The following RBM4 variants were observed in gnomAD, a reference collection of about 807,000 sequenced individuals.
RBM4 encodes RNA-binding protein 4.
Under a neutral mutation model 29.5 loss-of-function variants are expected in RBM4, and 7 were observed. The observed-to-expected ratio is 0.24, with a 90% CI of 0.14 to 0.45. RBM4 has a LOEUF of 0.45. Ranked by LOEUF, RBM4 falls within the 20% of genes least tolerant of loss-of-function variation. The pLI, the probability that RBM4 is intolerant of heterozygous loss-of-function variation, is 1.00. For missense variants in RBM4, 387 were observed against 502.3 expected, an observed-to-expected ratio of 0.77 and a Z score of 2.19; for synonymous variants, 220 against 205.4, an observed-to-expected ratio of 1.07 and a Z score of -0.61.
intron 3 of RBM4, among the ~76,000 whole-genome samples, chr11:66,644,927 G>T (rs1590865487): frequency 1.4e-5 from 2 of 141,106 alleles, no homozygotes; most frequent in Middle Eastern, 3.6e-3. Context: ...CTTACTTAGG[G>T]TTTTTTTTTT....
chr11:66,665,958 G>A, exon 3 of RBM4: 10 of 1,528,290 alleles, frequency 6.5e-6, no homozygotes, highest in Non-Finnish European at 8.8e-6. Flanking sequence ...AAAAGCAGAA[G>A]ATGCTGAGAT....
intron 2 of RBM4, among the ~76,000 whole-genome samples, chr11:66,641,547 T>C (rs566884847): frequency 1.3e-5 from 2 of 152,344 alleles, no homozygotes; most frequent in East Asian, 3.9e-4. Flanking sequence ...ATTTTTGGAC[T>C]GTTTCCCACA....
intron 2 of RBM4, 96 bp downstream of exon 2, chr11:66,640,219 G>T (rs1004794955): frequency 1.3e-6 from 2 of 1,520,538 alleles, no homozygotes; most frequent in African/African-American, 2.7e-5. Context: ...GATAACAGCT[G>T]TTGGCTGGCT....
At chr11:66,640,349 C>G in intron 2 of RBM4, 1 of 632,030 alleles carries the variant, frequency 1.6e-6, no homozygotes, top group Middle Eastern at 4.1e-4. Context: ...TATTTGGAGC[C>G]CCTACGGCTT....
At chr11:66,644,784 A>G (rs1938620481) in intron 3 of RBM4, 6 of 824,134 alleles carry the variant, frequency 7.3e-6, no homozygotes, top group South Asian at 5.6e-5. Flanking sequence ...TATCTTTTAT[A>G]AAGTTCCACA....
intron 2 of RBM4, among the ~76,000 whole-genome samples, chr11:66,656,027 A>G (rs553443949): frequency 2.0e-5 from 3 of 151,060 alleles, no homozygotes; most frequent in East Asian, 3.9e-4. Context: ...CTGGAGTGCA[A>G]TGGTGCAATC....
Position 66,643,729 on chromosome 11 carries a change from A to T in RBM4, c.692A>T (p.Tyr231Phe). Residue 231 changes from tyrosine to phenylalanine, a missense_variant, in exon 3 of 4, where the codon TAT (tyrosine) becomes TTT (phenylalanine). Coordinates refer to ENST00000310092, the MANE Select transcript of RBM4 (RefSeq NM_002896.4). This position sits in a 1 kb window ranked among gnomAD's most constrained non-coding sequence, Gnocchi z 6.1. ...YYKRCRAARS[Y>F]EAVAAAAASV... ...AAGCGCTGCCGTGCTGCCCGGTCCT[A>T]TGAGGCAGTGGCAGCTGCAGCTGCC... The T allele has an allele frequency of 1.2e-6, 2 of 1,614,074 alleles. No homozygotes were observed. Among genetic ancestry groups the T allele is most frequent in the Non-Finnish European group, 1.7e-6 (2 of 1,179,994 alleles).
At chr11:66,641,120 G>A (rs141948089) in intron 2 of RBM4, 7 of 152,188 alleles carry the variant, frequency 4.6e-5, no homozygotes, top group African/African-American at 1.7e-4. Flanking sequence ...AAAAAGAGTG[G>A]TGTCCTTTTT....
chr11:66,654,692 T>TC (rs1191056237), intron 2 of RBM4, among the ~76,000 whole-genome samples: 2 of 149,060 alleles, frequency 1.3e-5, no homozygotes, highest in Admixed American at 6.7e-5. Context: ...TTGTTTTTTT[T>TC]TTTTTTTTAG....
rs748197738 is a variant in RBM4 at position 66,643,629 on chromosome 11, C to T, written c.592C>T (p.Arg198Cys). The change falls in exon 3 of 4, where the codon CGT (arginine) becomes TGT (cysteine). Residue 198 changes from arginine to cysteine, a missense_variant. Around this residue, in one of 2 missense-constraint regions of RBM4, gnomAD observed 281 missense variants for 288.7 expected, o/e 0.97. Coordinates refer to ENST00000310092, the MANE Select transcript of RBM4 (RefSeq NM_002896.4). The surrounding 1 kb of genome is among the most constrained non-coding windows in gnomAD (Gnocchi z 6.1). ...EQYNEQYGAV[R>C]TPYTMSYGDS... ...ATATAATGAGCAATACGGAGCAGTG[C>T]GTACGCCTTACACCATGAGCTATGG... 6 of 1,614,156 alleles carry T rather than the reference C, an allele frequency of 3.7e-6. No individual in the cohort carries two copies. Among genetic ancestry groups the T allele is most frequent in the South Asian group, 2.2e-5 (2 of 91,086 alleles).
downstream of RBM4, among the ~76,000 whole-genome samples, chr11:66,647,001 G>A (rs1938710425): frequency 6.6e-6 from 1 of 152,204 alleles, no homozygotes; most frequent in African/African-American, 2.4e-5. Context: ...GGTCCCACTA[G>A]CACCTCATTA....
downstream of RBM4, chr11:66,649,788 T>A (rs1324569749): frequency 8.6e-6 from 6 of 701,306 alleles, 1 homozygote; most frequent in East Asian, 1.6e-4. Context: ...TGTAGCTCAC[T>A]GTAACTTTGA....
intron 2 of RBM4, among the ~76,000 whole-genome samples, chr11:66,661,232 G>A (rs545663417): frequency 3.3e-5 from 5 of 152,280 alleles, no homozygotes; most frequent in Admixed American, 6.5e-5. Flanking sequence ...GAAGAAAGCC[G>A]AGATTGATCT....
chr11:66,644,202 C>T, intron 3 of RBM4, 62 bp downstream of exon 3: 2 of 1,540,500 alleles, frequency 1.3e-6, no homozygotes, highest in East Asian at 4.5e-5. Context: ...CTAAAGGGCT[C>T]CAATTAGGCT....
At chr11:66,658,514 C>G (rs1159086332) in intron 2 of RBM4, among the ~76,000 whole-genome samples, 1 of 151,974 alleles carries the variant, frequency 6.6e-6, no homozygotes, top group Non-Finnish European at 1.5e-5. Context: ...TCACTAGTGC[C>G]AAGTTTGAAA....
At chr11:66,661,215 C>T (rs1018092791) in intron 2 of RBM4, among the ~76,000 whole-genome samples, 3 of 152,214 alleles carry the variant, frequency 2.0e-5, no homozygotes, top group Non-Finnish European at 4.4e-5. Flanking sequence ...GAGCCTAGCT[C>T]TGGTCTGAAG....
In RBM4 at chr11:66,643,296, G is replaced by A. The variant is rs1938545797; in HGVS notation, c.413-154G>A. ...GGTCATTATACTGAATCTATATGTT[G>A]AGTCTTTTTTTTTTTTCCTTTTTAT... On this transcript the variant is annotated intron_variant, in intron 2 of 3. Transcript: ENST00000310092. This position sits in a 1 kb window ranked among gnomAD's most constrained non-coding sequence, Gnocchi z 6.1. 6.6e-6 allele frequency among the ~76,000 whole-genome samples: 1 copy of A among 151,684 alleles called. No homozygotes were observed. Among genetic ancestry groups the A allele is most frequent in the Non-Finnish European group, 1.5e-5 (1 of 67,938 alleles).
At chr11:66,639,441 G>T (rs1405527851) in intron 1 of RBM4, 67 of 498,550 alleles carry the variant, frequency 1.3e-4, no homozygotes, top group Non-Finnish European at 2.1e-5. Flanking sequence ...ATTTCTGTTG[G>T]AAGGTATCGG....
At position 66,643,145 on chromosome 11, in the gene RBM4, C is replaced by T. The variant is rs868462377; in HGVS notation, c.413-305C>T. On this transcript the variant is annotated intron_variant, in intron 2 of 3. Transcript: ENST00000310092. The surrounding 1 kb of genome is among the most constrained non-coding windows in gnomAD (Gnocchi z 6.1). ...ACTTTGACTTCTTTTGACTTTGAGC[C>T]GCTGTTTGGAGATGATTTTTACCTG... is the stretch of plus-strand genomic sequence containing the variant. Among the ~76,000 whole-genome samples the T allele has an allele frequency of 1.3e-5, 2 of 152,072 alleles. No homozygotes were observed. Among genetic ancestry groups the T allele is most frequent in the African/African-American group, 2.4e-5 (1 of 41,394 alleles).
Sources: allele counts gnomAD v4.1 joint callset (sites outside exome capture counted in the v4.1 genomes callset), GRCh38; gene constraint gnomAD v4.1.1; regional missense constraint gnomAD v4.1.1; non-coding constraint Gnocchi (gnomAD v3.1); transcripts MANE v1.5; gene names NCBI Gene and HGNC (gene_info 2026-07-23, HGNC 2026-07-21).